Variants in COL28A1 observed in about 807,000 individuals in gnomAD.
COL28A1 encodes the protein collagen alpha-1(XXVIII) chain.
In COL28A1, 161 loss-of-function variants were observed where a neutral mutation model predicts 150.2. The observed-to-expected ratio is 1.07, with a 90% CI of 0.94 to 1.22. COL28A1 has a LOEUF of 1.22. COL28A1 is among the 50% of genes most tolerant of loss of function. The pLI is 0.00. For synonymous variants in COL28A1, 552 were observed against 469.7 expected (o/e 1.18, Z -2.26); for missense variants, 1,617 against 1,388.3 (o/e 1.16, Z -2.62).
At chr7:7,533,220 G>A (rs986507357) in intron 1 of COL28A1, among the ~76,000 whole-genome samples, 58 of 152,180 alleles carry the variant, frequency 3.8e-4, no homozygotes, top group South Asian at 2.1e-4. Context: ...TTTCAATCCC[G>A]CTCTATATGA....
At position 7,474,669 on chromosome 7, in the gene COL28A1, C is replaced by T; in HGVS notation, c.1234G>A (p.Gly412Ser). 7.5e-7 allele frequency: 1 copy of T among 1,334,688 alleles called. No individual in the cohort carries two copies. The highest frequency in any genetic ancestry group is 1.1e-6 in the Non-Finnish European group (1 of 925,076). 82.7% of individuals were successfully genotyped at this position (1,334,688 alleles called of 1,614,324 possible). ...GTTGGTCCTTCAGAACCTTTTTCAC[C>T]CTGAAAGTACAAGGGAGGGATATCA... ...LPGEGFPGPK[G>S]EKGSEGPTGP... Residue 412 changes from glycine (G) to serine (S), a missense_variant and splice_region_variant, in exon 15 of 35, where the codon GGT (glycine) becomes AGT (serine). Physicochemically the swap from Gly to Ser is moderately conservative, Grantham distance 56. Transcript: ENST00000399429.
chr7:7,430,012 G>A (rs1245057299), intron 25 of COL28A1, among the ~76,000 whole-genome samples: 1 of 152,172 alleles, frequency 6.6e-6, no homozygotes, highest in East Asian at 1.9e-4. Context: ...AAATGTAGAC[G>A]AAGGCAAATA....
At position 7,477,218 on chromosome 7, in the gene COL28A1, G is replaced by A. The variant is rs201332452; in HGVS notation, c.1165-38C>T. On this transcript the variant is annotated intron_variant, in intron 13 of 34. Transcript: ENST00000399429. Reference sequence around the variant, plus strand: ...GGAGAAAATGAGGAGCAGGAGGAGAGAGAAAAGGGAAAGAGGAGTGATGAA... The same window carrying A: ...GGAGAAAATGAGGAGCAGGAGGAGAAAGAAAAGGGAAAGAGGAGTGATGAA... 55 of 876,888 alleles carry A rather than the reference G, an allele frequency of 6.3e-5. No individual in the cohort carries two copies. The Admixed American group carries it at 7.4e-4, about 12-fold the overall frequency. The allele number at this position is 876,888 out of a possible 1,614,324, so 54.3% of individuals were successfully genotyped here. A position where few individuals can be genotyped will look rare whatever the true frequency, so the allele number is the denominator to read the frequency against.
At chr7:7,445,774 C>CT (rs1786207277) in intron 18 of COL28A1, among the ~76,000 whole-genome samples, 1 of 151,742 alleles carries the variant, frequency 6.6e-6, no homozygotes, top group Non-Finnish European at 1.5e-5. Context: ...CACAGTAAAT[C>CT]TAACACTAAG....
At chr7:7,473,850 TG>T (rs1277323103) in intron 15 of COL28A1, among the ~76,000 whole-genome samples, 5 of 151,482 alleles carry the variant, frequency 3.3e-5, no homozygotes, top group African/African-American at 1.2e-4. Flanking sequence ...TGTGTGTGTT[TG>T]TTTATATATA....
At chr7:7,347,897 G>C in the COL28A1 span, among the ~76,000 whole-genome samples, 1 of 152,056 alleles carries the variant, frequency 6.6e-6, no homozygotes, top group African/African-American at 2.4e-5. Context: ...CCCTGGTAAG[G>C]AAGTTGAGCC....
intron 11 of COL28A1, among the ~76,000 whole-genome samples, chr7:7,504,761 C>G (rs1024485051): frequency 6.6e-6 from 1 of 152,224 alleles, no homozygotes; most frequent in African/African-American, 2.4e-5. Flanking sequence ...TGATCTCTAA[C>G]ATCCCTAGTG....
At chr7:7,475,593 C>T (rs967403401) in intron 14 of COL28A1, among the ~76,000 whole-genome samples, 1 of 152,152 alleles carries the variant, frequency 6.6e-6, no homozygotes, top group African/African-American at 2.4e-5. Flanking sequence ...TATGTTGAAC[C>T]TGTCACTATG....
chr7:7,527,890 C>T (rs957407101), intron 3 of COL28A1, among the ~76,000 whole-genome samples: 2 of 151,990 alleles, frequency 1.3e-5, no homozygotes, highest in African/African-American at 2.4e-5. Flanking sequence ...GCAAAGCACT[C>T]GGTAGGCAAG....
At chr7:7,533,675 T>A (rs1430158385) in intron 1 of COL28A1, among the ~76,000 whole-genome samples, 1 of 152,076 alleles carries the variant, frequency 6.6e-6, no homozygotes, top group African/African-American at 2.4e-5. Flanking sequence ...TGAAACTATT[T>A]TTCTGGGTGG....
intron 13 of COL28A1, among the ~76,000 whole-genome samples, chr7:7,486,342 T>C (rs1239987994): frequency 6.6e-6 from 1 of 152,204 alleles, no homozygotes; most frequent in Non-Finnish European, 1.5e-5. Flanking sequence ...GGTTTTTGTA[T>C]AGATTTCTTG....
chr7:7,448,243 C>T (rs79637733), intron 18 of COL28A1, among the ~76,000 whole-genome samples: 1 of 152,204 alleles, frequency 6.6e-6, no homozygotes, highest in Non-Finnish European at 1.5e-5. Flanking sequence ...ATATCTAAGG[C>T]ACATTATAAT....
At chr7:7,427,053 G>C (rs1784679618) in intron 25 of COL28A1, among the ~76,000 whole-genome samples, 1 of 152,186 alleles carries the variant, frequency 6.6e-6, no homozygotes. Flanking sequence ...CTCCAGGGCT[G>C]AAGGAAAAGT....
chr7:7,457,251 T>C (rs1787242362), intron 15 of COL28A1, among the ~76,000 whole-genome samples: 1 of 152,090 alleles, frequency 6.6e-6, no homozygotes, highest in South Asian at 2.1e-4. Context: ...CTGGAAGCTG[T>C]ATGGAGAACA....
chr7:7,454,958 G>A (rs1240265913), intron 16 of COL28A1, among the ~76,000 whole-genome samples: 1 of 152,068 alleles, frequency 6.6e-6, no homozygotes, highest in Non-Finnish European at 1.5e-5. Context: ...TCTGCCAATG[G>A]CAAGGGAATG....
chr7:7,410,221 G>A (rs1245869757), intron 27 of COL28A1, among the ~76,000 whole-genome samples: 1 of 152,062 alleles, frequency 6.6e-6, no homozygotes, highest in Non-Finnish European at 1.5e-5. Flanking sequence ...TTTGATTTTG[G>A]TTTATAACCC....
chr7:7,476,227 T>C (rs1259240574), intron 14 of COL28A1, among the ~76,000 whole-genome samples: 2 of 152,160 alleles, frequency 1.3e-5, no homozygotes, highest in African/African-American at 4.8e-5. Flanking sequence ...GGGGAGACTT[T>C]GGAAATAAAG....
chr7:7,394,133 G>C (rs1377009402), intron 27 of COL28A1, among the ~76,000 whole-genome samples: 1 of 152,178 alleles, frequency 6.6e-6, no homozygotes, highest in African/African-American at 2.4e-5. Flanking sequence ...ATCTGGACCA[G>C]AGTGCACCGT....
At position 7,514,427 on chromosome 7, in the gene COL28A1, G is replaced by A. The variant is rs968205279; in HGVS notation, c.882+1387C>T. Among the ~76,000 whole-genome samples the A allele has an allele frequency of 5.3e-5, 8 of 152,256 alleles. No individual in the cohort carries two copies. In the East Asian group the frequency reaches 1.5e-3, roughly 29 times the overall value. On this transcript the variant is annotated intron_variant, in intron 8 of 34. Transcript: ENST00000399429. ...GAAGAAACAGATACTCCAAGACATT[G>A]AGTTACCTAAGTTCTTAAGGCTGCT...
Sources: allele counts gnomAD v4.1 joint callset (sites outside exome capture counted in the v4.1 genomes callset), GRCh38; gene constraint gnomAD v4.1.1; transcripts MANE v1.5; gene names NCBI Gene and HGNC (gene_info 2026-07-23, HGNC 2026-07-21).